Variants in COL21A1 observed in about 807,000 individuals in gnomAD.
The protein encoded by COL21A1 is collagen alpha-1(XXI) chain.
COL21A1 carries 149 observed loss-of-function variants against 137.9 expected under a neutral mutation model. The ratio of observed to expected loss-of-function variants is 1.08; its 90% CI spans 0.95 to 1.24. The LOEUF is 1.24. COL21A1 is among the 50% of genes most tolerant of loss of function. The pLI, the probability that COL21A1 is intolerant of heterozygous loss-of-function variation, is 0.00. For missense variants in COL21A1, 1,167 were observed against 1,158.4 expected, an observed-to-expected ratio of 1.01 and a Z score of -0.11; for synonymous variants, 456 against 391.5, an observed-to-expected ratio of 1.16 and a Z score of -1.95.
intron 16 of COL21A1, among the ~76,000 whole-genome samples, chr6:56,101,751 A>AGTTG (rs71714367): frequency 0.073 from 10,876 of 148,242 alleles, 412 homozygotes; most frequent in Middle Eastern, 0.12. Flanking sequence ...GCAGATAATT[A>AGTTG]AGTTATTAAA....
chr6:56,155,482 A>G (rs1034853317), intron 10 of COL21A1, among the ~76,000 whole-genome samples: 4 of 152,210 alleles, frequency 2.6e-5, no homozygotes, highest in Non-Finnish European at 4.4e-5. Context: ...AACAATTTTG[A>G]TTCACAATGT....
intron 1 of COL21A1, among the ~76,000 whole-genome samples, chr6:56,307,707 C>T (rs1052435916): frequency 4.6e-5 from 7 of 152,278 alleles, no homozygotes; most frequent in Admixed American, 3.9e-4. Flanking sequence ...TGGGCTCATG[C>T]TCAGTGCACT....
At chr6:56,139,822 C>T (rs1774282165) in intron 12 of COL21A1, among the ~76,000 whole-genome samples, 1 of 152,024 alleles carries the variant, frequency 6.6e-6, no homozygotes, top group African/African-American at 2.4e-5. Flanking sequence ...CATGGTGCTC[C>T]GGTCTGGATG....
intron 1 of COL21A1, among the ~76,000 whole-genome samples, chr6:56,373,314 T>C (rs1387586545): frequency 6.6e-6 from 1 of 152,226 alleles, no homozygotes; most frequent in African/African-American, 2.4e-5. Flanking sequence ...TATTTAAAAA[T>C]GTTTAGGCCA....
At chr6:56,163,041 C>A (rs1472321831) in intron 9 of COL21A1, among the ~76,000 whole-genome samples, 1 of 152,078 alleles carries the variant, frequency 6.6e-6, no homozygotes, top group African/African-American at 2.4e-5. Context: ...CCATATCTTT[C>A]TTTATTTTAA....
intron 1 of COL21A1, among the ~76,000 whole-genome samples, chr6:56,347,761 G>C (rs191014129): frequency 1.4e-4 from 22 of 152,124 alleles, no homozygotes; most frequent in Admixed American, 1.4e-3. Flanking sequence ...CTGATGATAA[G>C]ACATTGTATT....
intron 16 of COL21A1, among the ~76,000 whole-genome samples, chr6:56,121,063 T>G (rs534660778): frequency 6.6e-6 from 1 of 152,106 alleles, no homozygotes; most frequent in Admixed American, 6.5e-5. Context: ...TGCAACAACA[T>G]GGATCAAACT....
chr6:56,244,690 T>C (rs1199158282), intron 1 of COL21A1, among the ~76,000 whole-genome samples: 1 of 152,184 alleles, frequency 6.6e-6, no homozygotes, highest in Non-Finnish European at 1.5e-5. Flanking sequence ...CATATATGAT[T>C]GGTAATTAGC....
chr6:56,371,004 T>C (rs1383370887), intron 1 of COL21A1, among the ~76,000 whole-genome samples: 1 of 152,218 alleles, frequency 6.6e-6, no homozygotes, highest in Non-Finnish European at 1.5e-5. Context: ...AAGAATTGAA[T>C]GATCATCTTA....
chr6:56,085,904 T>C (rs929695507), intron 17 of COL21A1, among the ~76,000 whole-genome samples: 5 of 149,144 alleles, frequency 3.4e-5, no homozygotes, highest in Admixed American at 6.7e-5. Context: ...TTTATTTATA[T>C]ATAAATATAT....
intron 16 of COL21A1, among the ~76,000 whole-genome samples, chr6:56,108,262 C>T (rs1771122926): frequency 6.6e-6 from 1 of 151,744 alleles, no homozygotes; most frequent in African/African-American, 2.4e-5. Flanking sequence ...AAGACCAAAC[C>T]TATCAGACAA....
chr6:56,122,453 C>T (rs79124185), intron 16 of COL21A1, among the ~76,000 whole-genome samples: 22,802 of 151,978 alleles, frequency 0.15, 1,736 homozygotes, highest in Middle Eastern at 0.22. Flanking sequence ...GCTGGGACTA[C>T]AGGCGTCCAC....
chr6:56,208,080 C>T (rs1156457121), intron 1 of COL21A1, among the ~76,000 whole-genome samples: 1 of 152,112 alleles, frequency 6.6e-6, no homozygotes, highest in African/African-American at 2.4e-5. Flanking sequence ...CAATGTTATA[C>T]TGAATGGGCA....
chr6:56,273,093 CA>C (rs1438410969), intron 1 of COL21A1, among the ~76,000 whole-genome samples: 1 of 152,122 alleles, frequency 6.6e-6, no homozygotes, highest in Non-Finnish European at 1.5e-5. Context: ...CAAAACTACA[CA>C]AATACATTGC....
At chr6:56,135,089 G>A (rs1773882395) in intron 12 of COL21A1, among the ~76,000 whole-genome samples, 1 of 151,778 alleles carries the variant, frequency 6.6e-6, no homozygotes, top group African/African-American at 2.4e-5. Context: ...GCTAGAATGT[G>A]AAACCTTTCT....
At chr6:56,310,280 T>C (rs915967007) in intron 1 of COL21A1, among the ~76,000 whole-genome samples, 7 of 152,192 alleles carry the variant, frequency 4.6e-5, no homozygotes, top group African/African-American at 1.7e-4. Context: ...GCCTATCTTT[T>C]TGCTGCCACT....
At chr6:56,230,624 T>C (rs569543116) in intron 1 of COL21A1, among the ~76,000 whole-genome samples, 2 of 152,040 alleles carry the variant, frequency 1.3e-5, no homozygotes, top group Admixed American at 1.3e-4. Flanking sequence ...CTTATTATTT[T>C]TTGATGTTTA....
chr6:56,246,781 C>G (rs571535873), intron 1 of COL21A1, among the ~76,000 whole-genome samples: 186 of 152,304 alleles, frequency 1.2e-3, no homozygotes, highest in African/African-American at 4.3e-3. Context: ...AGATGCCACA[C>G]AGCGAATCAC....
chr6:56,109,482 CTTA>C (rs1170571889), intron 16 of COL21A1, among the ~76,000 whole-genome samples: 1 of 151,628 alleles, frequency 6.6e-6, no homozygotes, highest in Non-Finnish European at 1.5e-5. Context: ...GAGAGTGAAG[CTTA>C]TTATTATTGA....
Sources: allele counts gnomAD v4.1 joint callset (sites outside exome capture counted in the v4.1 genomes callset), GRCh38; gene constraint gnomAD v4.1.1; transcripts MANE v1.5; gene names NCBI Gene and HGNC (gene_info 2026-07-23, HGNC 2026-07-21).